NCALD: variants seen among roughly 807,000 people sequenced by gnomAD.
NCALD encodes the protein neurocalcin delta.
NCALD carries 10 observed loss-of-function variants against 18.6 expected under a neutral mutation model. The observed-to-expected ratio is 0.54, with a 90% CI of 0.33 to 0.91. NCALD has a LOEUF of 0.91. NCALD is among the 40% of genes least tolerant of loss of function. The pLI is 0.03. For synonymous variants in NCALD, 88 were observed against 87.4 expected, an observed-to-expected ratio of 1.01 and a Z score of -0.04; for missense variants, 184 against 247.6, an observed-to-expected ratio of 0.74 and a Z score of 1.72.
chr8:101,910,347 G>T (rs1346839588), intron 3 of NCALD, among the ~76,000 whole-genome samples: 1 of 138,770 alleles, frequency 7.2e-6, no homozygotes, highest in East Asian at 2.0e-4. Flanking sequence ...ATGAGGGATG[G>T]TGGCAGGTGG....
rs1294547631 is a variant in NCALD, at chr8:101,763,732, G to T, written c.-20+27130C>A. Among the ~76,000 whole-genome samples, 6 of 152,198 alleles carry T rather than the reference G, an allele frequency of 3.9e-5. No homozygotes were observed. The East Asian group carries it at 1.2e-3, about 29-fold the overall frequency. On this transcript the variant is annotated intron_variant, in intron 1 of 3. Coordinates refer to ENST00000220931, the MANE Select transcript of NCALD (RefSeq NM_032041.3). The stretch of plus-strand genomic sequence containing the variant: ...ATCTGACCCTCCTCCAAGTAACAGA[G>T]AATTTCTCCTGCCAAATTGCCTTCA...
intron 1 of NCALD, among the ~76,000 whole-genome samples, chr8:102,106,778 T>G (rs1825469287): frequency 6.6e-6 from 1 of 152,100 alleles, no homozygotes; most frequent in African/African-American, 2.4e-5. Flanking sequence ...GCATGCACTC[T>G]GCAAAAAAAT....
chr8:101,776,727 C>T (rs559382611), intron 1 of NCALD, among the ~76,000 whole-genome samples: 27 of 152,224 alleles, frequency 1.8e-4, no homozygotes, highest in Admixed American at 3.3e-4. Flanking sequence ...ACAAGTAATG[C>T]TACTTAATAC....
intron 2 of NCALD, among the ~76,000 whole-genome samples, chr8:101,944,926 T>C (rs1403232608): frequency 6.6e-6 from 1 of 152,232 alleles, no homozygotes; most frequent in African/African-American, 2.4e-5. Flanking sequence ...TTAAATTATC[T>C]TTCAAATCCC....
rs116766076 is a variant in NCALD, at chr8:101,820,864, G to A, written c.-20+66277C>T. The stretch of plus-strand genomic sequence containing the variant: ...GCTACATTGGCAACCATCTTCTAGT[G>A]CTTTCATAGCATGAAATGGCAAATA... On this transcript the variant is annotated intron_variant, in intron 4 of 6. Coordinates refer to the NCALD transcript ENST00000311028. Among the ~76,000 whole-genome samples, 203 of 152,284 alleles carry A rather than the reference G, an allele frequency of 1.3e-3. 1 individual carries two copies. Among genetic ancestry groups the A allele is most frequent in the African/African-American group, 4.5e-3 (187 of 41,558 alleles).
chr8:101,830,548 C>CAAA (rs71268534), intron 4 of NCALD, among the ~76,000 whole-genome samples: 13 of 141,300 alleles, frequency 9.2e-5, no homozygotes, highest in Non-Finnish European at 1.7e-4. Context: ...GACTCCGTCT[C>CAAA]AAAAAAAAAA....
intron 2 of NCALD, among the ~76,000 whole-genome samples, chr8:101,718,921 G>C (rs937367828): frequency 6.6e-6 from 1 of 152,154 alleles, no homozygotes; most frequent in African/African-American, 2.4e-5. Context: ...TAAAACCTTG[G>C]TCTCCACAAC....
chr8:101,692,372 C>A (rs1814768585), intron 3 of NCALD: 1 of 985,248 alleles, frequency 1.0e-6, no homozygotes, highest in Admixed American at 6.1e-5. Flanking sequence ...CTTTGGCAGG[C>A]TGGAGTGAAA....
intron 1 of NCALD, among the ~76,000 whole-genome samples, chr8:102,034,168 T>C (rs1040323781): frequency 6.6e-6 from 1 of 152,190 alleles, no homozygotes; most frequent in Non-Finnish European, 1.5e-5. Flanking sequence ...GTGTCTGTTA[T>C]ACAAGGAGTG....
At chr8:102,021,924 C>T (rs547966714) in intron 1 of NCALD, among the ~76,000 whole-genome samples, 10 of 152,282 alleles carry the variant, frequency 6.6e-5, no homozygotes, top group African/African-American at 2.4e-4. Flanking sequence ...GAAAGAGACA[C>T]AACCGGAAAA....
intron 2 of NCALD, among the ~76,000 whole-genome samples, chr8:101,923,896 T>C (rs1190566835): frequency 6.6e-6 from 1 of 152,208 alleles, no homozygotes; most frequent in African/African-American, 2.4e-5. Flanking sequence ...GGGCTGATAA[T>C]GTTATTAGAA....
intron 1 of NCALD, among the ~76,000 whole-genome samples, chr8:102,049,572 A>G (rs1156643160): frequency 6.6e-6 from 1 of 152,138 alleles, no homozygotes; most frequent in Non-Finnish European, 1.5e-5. Context: ...TATAATCGCT[A>G]GATTATATGG....
At chr8:101,767,477 C>T (rs1031364776) in intron 1 of NCALD, among the ~76,000 whole-genome samples, 7 of 152,108 alleles carry the variant, frequency 4.6e-5, no homozygotes, top group South Asian at 2.1e-4. Flanking sequence ...TGGGATAAGA[C>T]GGTATTTTCC....
At chr8:102,110,514 C>G (rs539886997) in intron 1 of NCALD, among the ~76,000 whole-genome samples, 4 of 152,176 alleles carry the variant, frequency 2.6e-5, no homozygotes, top group Non-Finnish European at 5.9e-5. Flanking sequence ...TAGATTTAGC[C>G]AAGAAATATT....
intron 1 of NCALD, among the ~76,000 whole-genome samples, chr8:101,769,618 TCTTC>T (rs1811499685): frequency 6.6e-6 from 1 of 151,750 alleles, no homozygotes; most frequent in South Asian, 2.1e-4. Flanking sequence ...CTTCTTTCTT[TCTTC>T]CTTTTTTTTT....
chr8:102,008,416 A>G (rs74417367), intron 2 of NCALD, among the ~76,000 whole-genome samples: 22,736 of 151,188 alleles, frequency 0.15, 2,299 homozygotes, highest in African/African-American at 0.28. Context: ...ATAATTAAGA[A>G]TGTGCCACTC....
intron 4 of NCALD, among the ~76,000 whole-genome samples, chr8:101,881,919 A>G (rs1348398682): frequency 6.6e-6 from 1 of 152,258 alleles, no homozygotes; most frequent in Non-Finnish European, 1.5e-5. Context: ...TGATACAACT[A>G]CAATACAAGG....
chr8:101,711,568 G>A (rs1268173491), intron 2 of NCALD, among the ~76,000 whole-genome samples: 2 of 151,830 alleles, frequency 1.3e-5, no homozygotes, highest in African/African-American at 4.8e-5. Context: ...GTTTAGAGAA[G>A]AATATAAATG....
At chr8:101,890,108 C>T (rs1014338612) in intron 3 of NCALD, among the ~76,000 whole-genome samples, 1 of 152,058 alleles carries the variant, frequency 6.6e-6, no homozygotes, top group Non-Finnish European at 1.5e-5. Flanking sequence ...GTTTGCAACA[C>T]TTGAAATGAA....
Sources: allele counts gnomAD v4.1 joint callset (sites outside exome capture counted in the v4.1 genomes callset), GRCh38; gene constraint gnomAD v4.1.1; transcripts MANE v1.5; gene names NCBI Gene and HGNC (gene_info 2026-07-23, HGNC 2026-07-21).